KPNB1: variants seen among roughly 807,000 people sequenced by gnomAD.
KPNB1 encodes importin subunit beta-1.
KPNB1 carries 7 observed loss-of-function variants against 113.0 expected under a neutral mutation model. That is an observed-to-expected ratio of 0.06 (90% CI 0.04 to 0.12). The LOEUF is 0.12. Among genes scored for constraint, KPNB1 ranks in the 10% least tolerant of loss-of-function variants. The probability of loss-of-function intolerance (pLI) is 1.00; values close to 1 mark genes in which losing one functional copy is unlikely to be tolerated. For synonymous variants in KPNB1, 363 were observed against 378.6 expected (o/e 0.96, Z 0.48); for missense variants, 400 against 1,054.8 (o/e 0.38, Z 8.60).
intron 15 of KPNB1, among the ~76,000 whole-genome samples, chr17:47,675,383 T>G (rs1231968689): frequency 1.9e-5 from 2 of 105,994 alleles, no homozygotes; most frequent in Non-Finnish European, 3.8e-5. Flanking sequence ...TTTTTTTTTT[T>G]TGTTTGTTTT....
Position 47,682,527 on chromosome 17 carries a change from A to T in KPNB1, c.*123A>T, listed in dbSNP as rs1232568336. On this transcript the variant is annotated 3_prime_UTR_variant, in exon 22 of 22. Transcript: ENST00000290158. ...TTGGGAATGAGAGGATGAGTGAGTG[A>T]GGCTTGAAAACACACCACATTGAAA... is the stretch of plus-strand genomic sequence containing the variant. The T allele has an allele frequency of 1.4e-6, 1 of 740,218 alleles. No homozygotes were observed. The highest frequency in any genetic ancestry group is 2.5e-6 in the Non-Finnish European group (1 of 398,910). The allele number at this position is 740,218 out of a possible 1,614,324, so 45.9% of individuals were successfully genotyped here.
chr17:47,681,608 A>T (rs1397940765), intron 21 of KPNB1, among the ~76,000 whole-genome samples: 1 of 146,170 alleles, frequency 6.8e-6, no homozygotes, highest in Non-Finnish European at 1.5e-5. Flanking sequence ...GGGTTTCACC[A>T]TGTTTGCCAG....
intron 3 of KPNB1, among the ~76,000 whole-genome samples, chr17:47,654,994 G>A (rs1915679622): frequency 6.6e-6 from 1 of 152,130 alleles, no homozygotes; most frequent in South Asian, 2.1e-4. Context: ...GTTGGGTAGA[G>A]CTGATGGGGG....
At chr17:47,670,642 G>T (rs1051601210) in intron 11 of KPNB1, 60 bp from the exon 12 acceptor site, 6 of 1,493,338 alleles carry the variant, frequency 4.0e-6, no homozygotes, top group South Asian at 1.3e-5. Context: ...AATGAAAAAT[G>T]AGATAATCCT....
rs2143199276 is a variant in KPNB1, at chr17:47,684,450, A to T, written c.*2046A>T. ...TATTAAGAAGAGGCCTGGTCCTCTA[A>T]TGCCTTGTTTCCATTTCAGTTGTTC... is the stretch of plus-strand genomic sequence containing the variant. On this transcript the variant is annotated 3_prime_UTR_variant, in exon 22 of 22. Coordinates refer to ENST00000290158, the MANE Select transcript of KPNB1 (RefSeq NM_002265.6). The T allele has an allele frequency of 6.6e-6, 1 of 152,300 alleles. No individual in the cohort carries two copies. The highest frequency in any genetic ancestry group is 1.9e-4 in the East Asian group (1 of 5,192). 9.4% of individuals were successfully genotyped at this position (152,300 alleles called of 1,614,324 possible).
intron 15 of KPNB1, among the ~76,000 whole-genome samples, chr17:47,675,361 G>GTTTTTGTTTTTTTTT (rs2030568124): frequency 5.4e-4 from 48 of 88,680 alleles, no homozygotes; most frequent in Admixed American, 2.3e-3. Context: ...CAGAGGTGTT[G>GTTTTTGTTTTTTTTT]TTTTTTTTTT....
chr17:47,679,781 C>T lies in KPNB1; in HGVS notation c.2354-239C>T. The T allele has an allele frequency of 5.5e-5, 19 of 345,334 alleles. No individual in the cohort carries two copies. The South Asian group carries it at 6.1e-4, about 11-fold the overall frequency. The allele number at this position is 345,334 out of a possible 1,614,324, so 21.4% of individuals were successfully genotyped here. A position where few individuals can be genotyped will look rare whatever the true frequency, so the allele number is the denominator to read the frequency against. ...GCGCAATCTCGGCTCACTGCAAGCT[C>T]CGCCTCCTGGGTTCACGCCATTTTC... On this transcript the variant is annotated intron_variant, in intron 19 of 21. Coordinates refer to ENST00000290158, the MANE Select transcript of KPNB1 (RefSeq NM_002265.6).
Position 47,675,368 on chromosome 17 carries a change from TTTTGTTTTTTTTTTTTG to T in KPNB1, c.1912+601_1912+617del, listed in dbSNP as rs1021558392. ...GAGATTGGCAGAGGTGTTGTTTTTT[TTTTGTTTTTTTTTTTTG>T]TTTGTTTTTTTTTTGAGACTTGTTC... On this transcript the variant is annotated intron_variant, in intron 15 of 21. Coordinates refer to ENST00000290158, the MANE Select transcript of KPNB1 (RefSeq NM_002265.6). Among the ~76,000 whole-genome samples the T allele has an allele frequency of 3.0e-4, 35 of 116,544 alleles. 1 individual carries two copies. Among genetic ancestry groups the T allele is most frequent in the Non-Finnish European group, 4.3e-4 (24 of 56,004 alleles). The allele number at this position is 116,544 out of a possible 152,430, so 76.5% of individuals were successfully genotyped here.
Position 47,666,451 on chromosome 17 carries a change from ATT to A in KPNB1, c.999+1294_999+1295del, listed in dbSNP as rs1186146413. 2.4e-3 allele frequency among the ~76,000 whole-genome samples: 337 copies of A among 142,772 alleles called. 3 individuals are homozygous for A. The highest frequency in any genetic ancestry group is 8.3e-3 in the African/African-American group (325 of 39,076). 93.7% of individuals were successfully genotyped at this position (142,772 alleles called of 152,430 possible). On this transcript the variant is annotated intron_variant, in intron 9 of 21. Transcript: ENST00000290158. ...TATATATATATTATATATTTTATAT[ATT>A]ATGTTATATATATTTTATATAATGT...
At chr17:47,661,227 A>G (rs962662906) in intron 6 of KPNB1, 49 bp downstream of exon 6, 3 of 1,347,528 alleles carry the variant, frequency 2.2e-6, no homozygotes, top group African/African-American at 1.4e-5. Context: ...TTCTTAGGAA[A>G]TGTCAAATCT....
At chr17:47,672,834 A>G (rs1354397117) in intron 12 of KPNB1, among the ~76,000 whole-genome samples, 184 bp from the exon 13 acceptor site, 1 of 152,258 alleles carries the variant, frequency 6.6e-6, no homozygotes. Context: ...TCTGGAGACC[A>G]TAATGAACAT....
At chr17:47,672,361 T>C (rs918067967) in intron 12 of KPNB1, among the ~76,000 whole-genome samples, 1 of 152,088 alleles carries the variant, frequency 6.6e-6, no homozygotes, top group African/African-American at 2.4e-5. Flanking sequence ...TGAGATTATA[T>C]ATGAAGACAT....
chr17:47,651,859 G>A (rs1355991387), intron 2 of KPNB1, among the ~76,000 whole-genome samples: 1 of 152,102 alleles, frequency 6.6e-6, no homozygotes, highest in East Asian at 1.9e-4. Flanking sequence ...GAGGCCTGTG[G>A]ATTACAAAAG....
chr17:47,651,037 TTTTC>T lies in KPNB1; in HGVS notation c.99+605_99+608del, dbSNP rs768359980. ...TTATTCCTCTCTTGGGGTTTTTTCTTTTTCTTTCTTTCTTTTTTTTTTTTCTTCT... is the reference window on the plus strand; with the variant it reads ...TTATTCCTCTCTTGGGGTTTTTTCTTTTTCTTTCTTTTTTTTTTTTCTTCT... On this transcript the variant is annotated intron_variant, in intron 2 of 21. Transcript: ENST00000290158. Among the ~76,000 whole-genome samples the T allele has an allele frequency of 1.4e-3, 208 of 152,154 alleles. 1 individual carries two copies. Among genetic ancestry groups the T allele is most frequent in the African/African-American group, 3.9e-3 (164 of 41,540 alleles).
intron 12 of KPNB1, among the ~76,000 whole-genome samples, chr17:47,671,463 G>GA (rs1194982687): frequency 6.6e-6 from 1 of 152,114 alleles, no homozygotes; most frequent in Non-Finnish European, 1.5e-5. Context: ...GGTTACAAGA[G>GA]AAATGATAGT....
At chr17:47,675,552 T>A (rs2030593810) in intron 15 of KPNB1, among the ~76,000 whole-genome samples, 1 of 151,962 alleles carries the variant, frequency 6.6e-6, no homozygotes, top group South Asian at 2.1e-4. Flanking sequence ...AAAGTTTCTA[T>A]TTTCTTTCCT....
intron 21 of KPNB1, among the ~76,000 whole-genome samples, chr17:47,681,645 T>A (rs1382725416): frequency 6.7e-6 from 1 of 150,290 alleles, no homozygotes; most frequent in East Asian, 1.9e-4. Context: ...TGATTTTAGG[T>A]GATCCACCCA....
chr17:47,665,578 A>G (rs1466530496), intron 9 of KPNB1, among the ~76,000 whole-genome samples: 5 of 152,334 alleles, frequency 3.3e-5, no homozygotes, highest in African/African-American at 9.6e-5. Flanking sequence ...AGGAAGTTGG[A>G]TATAAGTTAT....
chr17:47,676,081 G>C (rs1414098739), intron 15 of KPNB1, among the ~76,000 whole-genome samples: 4 of 152,148 alleles, frequency 2.6e-5, no homozygotes, highest in Non-Finnish European at 5.9e-5. Flanking sequence ...GTGGACAAGA[G>C]TCAGTATTGC....
Sources: allele counts gnomAD v4.1 joint callset (sites outside exome capture counted in the v4.1 genomes callset), GRCh38; gene constraint gnomAD v4.1.1; transcripts MANE v1.5; gene names NCBI Gene and HGNC (gene_info 2026-07-23, HGNC 2026-07-21).